STPG2: variants seen among roughly 807,000 people sequenced by gnomAD.
The protein encoded by STPG2 is sperm-tail PG-rich repeat-containing protein 2.
Under a neutral mutation model 54.2 loss-of-function variants are expected in STPG2, and 56 were observed. The observed-to-expected ratio is 1.03, with a 90% confidence interval of 0.83 to 1.29. The LOEUF (loss-of-function observed/expected upper bound fraction) is 1.29. Ranked by LOEUF, STPG2 falls within the 50% of genes most tolerant of loss-of-function variation. The pLI is 0.00. For missense variants in STPG2, 596 were observed against 544.9 expected, an observed-to-expected ratio of 1.09 and a Z score of -0.93; for synonymous variants, 200 against 181.8, an observed-to-expected ratio of 1.10 and a Z score of -0.81.
At chr4:97,741,670 T>A (rs928404788) in intron 9 of STPG2, among the ~76,000 whole-genome samples, 4 of 152,134 alleles carry the variant, frequency 2.6e-5, no homozygotes, top group Non-Finnish European at 5.9e-5. Context: ...TGTGATACCA[T>A]CTCACACCAG....
At chr4:97,925,429 G>A (rs1040867624) in intron 8 of STPG2, among the ~76,000 whole-genome samples, 3 of 152,198 alleles carry the variant, frequency 2.0e-5, no homozygotes, top group African/African-American at 7.2e-5. Context: ...AGTACAGGAA[G>A]TATATAAGTT....
chr4:97,887,152 T>C (rs1730601437), intron 8 of STPG2, among the ~76,000 whole-genome samples: 1 of 152,192 alleles, frequency 6.6e-6, no homozygotes. Context: ...TACAGAAAAT[T>C]GGAACCAGAA....
intron 10 of STPG2, among the ~76,000 whole-genome samples, chr4:97,705,708 C>T (rs1454756471): frequency 6.6e-6 from 1 of 151,714 alleles, no homozygotes; most frequent in African/African-American, 2.4e-5. Context: ...GTACCTTTCA[C>T]CTATTAACAA....
At chr4:97,647,318 C>T (rs1462871369) in intron 10 of STPG2, among the ~76,000 whole-genome samples, 2 of 152,002 alleles carry the variant, frequency 1.3e-5, no homozygotes. Flanking sequence ...TGTGTCTGAT[C>T]CTGGATTTAT....
intron 10 of STPG2, among the ~76,000 whole-genome samples, chr4:97,563,623 A>T (rs923500276): frequency 3.3e-5 from 5 of 152,060 alleles, no homozygotes; most frequent in African/African-American, 1.2e-4. Context: ...AGTCCCAGAG[A>T]TTCTTGTATG....
chr4:97,679,241 A>G (rs1722950637), intron 10 of STPG2, among the ~76,000 whole-genome samples: 1 of 152,224 alleles, frequency 6.6e-6, no homozygotes, highest in Admixed American at 6.5e-5. Flanking sequence ...CAGTCCCACC[A>G]ACAGTGTAAA....
intron 10 of STPG2, among the ~76,000 whole-genome samples, chr4:97,638,434 G>T (rs1721638070): frequency 2.0e-5 from 3 of 152,108 alleles, no homozygotes; most frequent in Admixed American, 6.5e-5. Flanking sequence ...ATAGGCATGG[G>T]CAAGGACTTC....
At chr4:97,736,701 G>A (rs564522410) in intron 9 of STPG2, among the ~76,000 whole-genome samples, 1 of 152,212 alleles carries the variant, frequency 6.6e-6, no homozygotes, top group African/African-American at 2.4e-5. Context: ...AAACAAAGGA[G>A]CCGGGAAGCT....
intron 10 of STPG2, among the ~76,000 whole-genome samples, chr4:97,662,904 C>T (rs901768267): frequency 6.6e-6 from 1 of 152,076 alleles, no homozygotes; most frequent in African/African-American, 2.4e-5. Flanking sequence ...ATCCATGTAA[C>T]AAACCTGCAC....
chr4:97,737,754 C>A (rs191149825), intron 9 of STPG2, among the ~76,000 whole-genome samples: 240 of 152,224 alleles, frequency 1.6e-3, no homozygotes, highest in African/African-American at 5.7e-3. Flanking sequence ...CTGAAAGTGA[C>A]GGGGAGAATG....
At chr4:97,979,268 C>CAG (rs34478141) in intron 6 of STPG2, among the ~76,000 whole-genome samples, 128,862 of 151,942 alleles carry the variant, frequency 0.85, 54,827 homozygotes, top group Middle Eastern at 0.94. Flanking sequence ...AAGGATGACT[C>CAG]AGCAGAACCA....
chr4:97,681,571 G>A (rs1049501356), intron 10 of STPG2, among the ~76,000 whole-genome samples: 5 of 151,834 alleles, frequency 3.3e-5, no homozygotes, highest in East Asian at 3.9e-4. Flanking sequence ...ATGATAGCAC[G>A]ACAGGGGAAA....
At chr4:97,902,628 C>A (rs1731222180) in intron 8 of STPG2, among the ~76,000 whole-genome samples, 1 of 151,922 alleles carries the variant, frequency 6.6e-6, no homozygotes, top group African/African-American at 2.4e-5. Flanking sequence ...GGATTATCAT[C>A]AAAAAACTCA....
intron 9 of STPG2, among the ~76,000 whole-genome samples, chr4:97,742,519 C>CTGTGTGTGTGTGTG (rs150619013): frequency 1.6e-5 from 2 of 125,110 alleles, no homozygotes; most frequent in African/African-American, 5.9e-5. Context: ...AATGAATAAA[C>CTGTGTGTGTGTGTG]TGTGTGTGTG....
chr4:97,803,788 G>A (rs564779050), intron 9 of STPG2, among the ~76,000 whole-genome samples: 43 of 152,208 alleles, frequency 2.8e-4, no homozygotes, highest in African/African-American at 9.6e-4. Flanking sequence ...TGATCTGCCC[G>A]CCTAGGCCTC....
intron 10 of STPG2, among the ~76,000 whole-genome samples, chr4:97,688,365 T>TTTTTG (rs1412548185): frequency 1.3e-5 from 2 of 152,150 alleles, no homozygotes; most frequent in East Asian, 3.9e-4. Flanking sequence ...TGCCAAGGTT[T>TTTTTG]TTTTGTTTTG....
chr4:98,085,235 A>G (rs1344603640), intron 5 of STPG2, among the ~76,000 whole-genome samples: 1 of 152,112 alleles, frequency 6.6e-6, no homozygotes, highest in African/African-American at 2.4e-5. Flanking sequence ...CTTTGTCAAA[A>G]ATCAGTTAAC....
At chr4:97,653,700 T>C (rs1249197762) in intron 10 of STPG2, among the ~76,000 whole-genome samples, 1 of 152,102 alleles carries the variant, frequency 6.6e-6, no homozygotes, top group Non-Finnish European at 1.5e-5. Context: ...TGGAAAAAGT[T>C]TGTAGCAGTT....
At chr4:98,135,311 CTA>C (rs2110169012) in intron 1 of STPG2, among the ~76,000 whole-genome samples, 1 of 151,736 alleles carries the variant, frequency 6.6e-6, no homozygotes, top group Admixed American at 6.6e-5. Flanking sequence ...AAAAGATACT[CTA>C]TTTAAAATAA....
Sources: gnomAD v4.1 joint callset for allele counts (sites outside exome capture counted in the v4.1 genomes callset) on GRCh38, gnomAD v4.1.1 for gene constraint, MANE v1.5 for transcripts, NCBI Gene and HGNC (gene_info 2026-07-23, HGNC 2026-07-21) for gene names.